DCST2: variants seen among roughly 807,000 people sequenced by gnomAD.
DCST2 encodes the protein DC-STAMP domain containing 2.
Under a neutral mutation model 81.8 loss-of-function variants are expected in DCST2, and 64 were observed. The observed-to-expected ratio is 0.78, with a 90% CI of 0.64 to 0.96. The LOEUF is 0.96. DCST2 is among the 40% of genes least tolerant of loss of function. The pLI, the probability that DCST2 is intolerant of heterozygous loss-of-function variation, is 0.00. For synonymous variants in DCST2, 354 were observed against 402.6 expected, an observed-to-expected ratio of 0.88 and a Z score of 1.44; for missense variants, 945 against 1,001.4, an observed-to-expected ratio of 0.94 and a Z score of 0.76.
chr1:155,023,584 A>G, intron 12 of DCST2, 127 bp from the exon 13 acceptor site: 2 of 1,546,646 alleles, frequency 1.3e-6, no homozygotes, highest in Non-Finnish European at 1.7e-6. Flanking sequence ...AGGGGTGCAC[A>G]CTAGGGAGCT....
intron 14 of DCST2, among the ~76,000 whole-genome samples, chr1:155,019,520 G>C (rs923755762): frequency 6.6e-6 from 1 of 152,096 alleles, no homozygotes; most frequent in African/African-American, 2.4e-5. Flanking sequence ...TTCTTCCCTG[G>C]CCATGGCCCC....
intron 14 of DCST2, 94 bp from the exon 15 acceptor site, chr1:155,018,854 A>G: frequency 7.8e-7 from 1 of 1,279,916 alleles, no homozygotes; most frequent in Admixed American, 2.1e-5. Context: ...GTTCAGATCC[A>G]GCTCCTGTTC....
At position 155,031,883 on chromosome 1, in the gene DCST2, C is replaced by A. The variant is rs553300393; in HGVS notation, c.542-112G>T. 1,866 of 1,151,542 alleles carry A rather than the reference C, an allele frequency of 1.6e-3. 3 individuals carry two copies. Among genetic ancestry groups the A allele is most frequent in the Non-Finnish European group, 1.9e-3 (1,531 of 808,386 alleles). 71.3% of individuals were successfully genotyped at this position (1,151,542 alleles called of 1,614,324 possible). On this transcript the variant is annotated intron_variant, in intron 3 of 14. Coordinates refer to ENST00000368424, the MANE Select transcript of DCST2 (RefSeq NM_144622.3). ...GGCTGGAGAGGCCTGTGGTCAGGGACCTGGCTGTGCTGTGTCCAGTGAACA... is the reference window on the plus strand; with the variant it reads ...GGCTGGAGAGGCCTGTGGTCAGGGAACTGGCTGTGCTGTGTCCAGTGAACA...
intron 1 of DCST2, 61 bp downstream of exon 1, chr1:155,033,372 CA>C (rs1660161930): frequency 6.3e-7 from 1 of 1,593,086 alleles, no homozygotes; most frequent in African/African-American, 1.3e-5. Context: ...TCTCCTCCAG[CA>C]TCTCTTCTGC....
At chr1:155,030,284 C>G (rs1334194490) in intron 6 of DCST2, 43 bp from the exon 7 acceptor site, 1 of 1,612,106 alleles carries the variant, frequency 6.2e-7, no homozygotes, top group South Asian at 1.1e-5. Context: ...CCTTAGGACC[C>G]CAGGCCAGAC....
chr1:155,033,210 G>A lies in DCST2; in HGVS notation c.323C>T (p.Pro108Leu). 6.2e-7 allele frequency: 1 copy of A among 1,614,082 alleles called. No individual in the cohort carries two copies. The change falls in exon 2 of 15, where the codon CCT (proline) becomes CTT (leucine). Residue 108 changes from proline to leucine, a missense_variant. By Grantham distance (98) the Pro-to-Leu change is moderately conservative (BLOSUM62 -3). Transcript: ENST00000368424. ...VAAFGLVLQG[P>L]CANTLRNFTR... is the part of the protein sequence containing the mutation. ...GAAGTTGCGTAGAGTGTTGGCACAAGGCCCTTGAAGCACCAACCCAAAAGC... is the reference window on the plus strand; with the variant it reads ...GAAGTTGCGTAGAGTGTTGGCACAAAGCCCTTGAAGCACCAACCCAAAAGC...
At chr1:155,027,113 G>A (rs1659933425) in intron 8 of DCST2, among the ~76,000 whole-genome samples, 1 of 151,418 alleles carries the variant, frequency 6.6e-6, no homozygotes, top group African/African-American at 2.4e-5. Context: ...GCTCACTGCA[G>A]CCTCAACTTC....
At position 155,033,628 on chromosome 1, in the gene DCST2, C is replaced by T. The variant is rs567368171; in HGVS notation, c.74G>A (p.Arg25His). 84 of 1,614,072 alleles carry T rather than the reference C, an allele frequency of 5.2e-5. No homozygotes were observed. The highest frequency in any genetic ancestry group is 1.5e-4 in the South Asian group (14 of 91,090). ...GCCCAGGGTAAAACCTCCCACGCTG[C>T]GAACCACAGCTCTCGCCATGCTAGG... ...EEPSMARAVVRSVGGFTLGLS... is the reference protein window; with the variant it reads ...EEPSMARAVVHSVGGFTLGLS... The change falls in exon 1 of 15, where the codon CGC (arginine) becomes CAC (histidine). Residue 25 changes from arginine to histidine, a missense_variant. By Grantham distance (29) the Arg-to-His change is conservative. Transcript: ENST00000368424.
rs750751363 is a variant in DCST2, at chr1:155,021,864, C to CT, written c.2105+1252dup. ...CCACTCTGCCTTCTTTGCTTATGGT[C>CT]TTTTTTTTTTTTTTGGAGACTGAGT... On this transcript the variant is annotated intron_variant, in intron 14 of 14. Transcript: ENST00000368424. 1.8e-3 allele frequency among the ~76,000 whole-genome samples: 263 copies of CT among 143,078 alleles called. 2 individuals carry two copies. The highest frequency in any genetic ancestry group is 2.9e-3 in the African/African-American group (113 of 38,848). 93.9% of individuals were successfully genotyped at this position (143,078 alleles called of 152,430 possible). A position where few individuals can be genotyped will look rare whatever the true frequency, so the allele number is the denominator to read the frequency against.
intron 3 of DCST2, among the ~76,000 whole-genome samples, chr1:155,032,147 C>A (rs961235570): frequency 2.0e-5 from 3 of 151,732 alleles, no homozygotes; most frequent in Admixed American, 1.3e-4. Context: ...CTGCGTGCCA[C>A]CACGCCCGGC....
chr1:155,022,971 CT>C, intron 14 of DCST2, 145 bp downstream of exon 14: 2 of 1,309,804 alleles, frequency 1.5e-6, no homozygotes, highest in Non-Finnish European at 2.1e-6. Context: ...AGAGCAGCCG[CT>C]TGGCAAACCT....
At chr1:155,019,394 C>T (rs961846674) in intron 14 of DCST2, among the ~76,000 whole-genome samples, 1 of 152,216 alleles carries the variant, frequency 6.6e-6, no homozygotes, top group African/African-American at 2.4e-5. Flanking sequence ...CGCTAGAGGA[C>T]CCACCCAATT....
rs749130889 is a variant in DCST2 at position 155,032,746 on chromosome 1, A to G, written c.462T>C (p.Ala154=). ...PLVSALNKIK[A]IARKTKEVAD... ...CCACCTCTTTGGTCTTCCGGGCAATAGCTTTAATCTTGTTCAGGGCACCTG... is the reference window on the plus strand; with the variant it reads ...CCACCTCTTTGGTCTTCCGGGCAATGGCTTTAATCTTGTTCAGGGCACCTG... The change falls in exon 3 of 15, where the codon GCT becomes GCC. Residue 154 remains alanine, a synonymous_variant. Coordinates refer to ENST00000368424, the MANE Select transcript of DCST2 (RefSeq NM_144622.3). 34 of 1,614,050 alleles carry G rather than the reference A, an allele frequency of 2.1e-5. No individual in the cohort carries two copies. The highest frequency in any genetic ancestry group is 2.7e-5 in the Non-Finnish European group (32 of 1,180,014).
chr1:155,028,078 C>T (rs1203925288), intron 8 of DCST2, among the ~76,000 whole-genome samples: 3 of 152,048 alleles, frequency 2.0e-5, no homozygotes, highest in South Asian at 2.1e-4. Flanking sequence ...GCACCTGCCA[C>T]GACGCCTGGC....
intron 11 of DCST2, among the ~76,000 whole-genome samples, 161 bp downstream of exon 11, chr1:155,024,311 A>T (rs11802049): frequency 0.025 from 3,747 of 151,940 alleles, 135 homozygotes; most frequent in African/African-American, 0.086. Flanking sequence ...ATAATAAATT[A>T]AAAAAAAGAA....
At chr1:155,023,564 A>G (rs1659813618) in intron 12 of DCST2, 107 bp from the exon 13 acceptor site, 2 of 1,547,332 alleles carry the variant, frequency 1.3e-6, no homozygotes, top group African/African-American at 1.4e-5. Context: ...TGGATGAACC[A>G]TCCTTGTCAA....
In DCST2 at chr1:155,023,815, G is replaced by A. The variant is rs377022382; in HGVS notation, c.1870+17C>T. On this transcript the variant is annotated intron_variant, in intron 12 of 14. Transcript: ENST00000368424. ...TAAGTCCGAGCAGGGAGAGGCACAC[G>A]CCCCAGGGGGTCTCACCTTGGCAGC... 6 of 1,612,466 alleles carry A rather than the reference G, an allele frequency of 3.7e-6. No homozygotes were observed. Among genetic ancestry groups the A allele is most frequent in the Admixed American group, 1.7e-5 (1 of 59,860 alleles).
At chr1:155,033,403 CCT>C in intron 1 of DCST2, 29 bp downstream of exon 1, 1 of 1,606,318 alleles carries the variant, frequency 6.2e-7, no homozygotes, top group Non-Finnish European at 8.5e-7. Context: ...AGCCCCAGGA[CCT>C]GCCCCCTAGC....
intron 10 of DCST2, 38 bp from the exon 11 acceptor site, chr1:155,024,640 CCT>C: frequency 6.5e-7 from 1 of 1,543,948 alleles, no homozygotes; most frequent in Non-Finnish European, 8.8e-7. Flanking sequence ...CCCACTTGAC[CCT>C]GTTTTGTCTG....
Sources: gnomAD v4.1 joint callset for allele counts (sites outside exome capture counted in the v4.1 genomes callset) on GRCh38, gnomAD v4.1.1 for gene constraint, MANE v1.5 for transcripts, NCBI Gene and HGNC (gene_info 2026-07-23, HGNC 2026-07-21) for gene names.